The following TMEM131L variants were observed in gnomAD, a reference collection of about 807,000 sequenced individuals.
TMEM131L encodes the protein transmembrane 131 like.
TMEM131L carries 54 observed loss-of-function variants against 192.2 expected under a neutral mutation model. That is an observed-to-expected ratio of 0.28 (90% CI 0.23 to 0.35). The LOEUF is 0.35. Ranked by LOEUF, TMEM131L falls within the 10% of genes least tolerant of loss-of-function variation. The probability of loss-of-function intolerance (pLI) is 1.00; values close to 1 mark genes in which losing one functional copy is unlikely to be tolerated. For synonymous variants in TMEM131L, 701 were observed against 704.9 expected (o/e 0.99, Z 0.09); for missense variants, 1,888 against 1,972.9 (o/e 0.96, Z 0.82).
rs201245535 is a variant in TMEM131L, at chr4:153,469,314, GACACAC to G, written c.195+2054_195+2059del. ...TATACCTGGGCCCAAGGGTAAGGGAGACACACACACACACACACACACACACGTGTG... is the reference window on the plus strand; with the variant it reads ...TATACCTGGGCCCAAGGGTAAGGGAGACACACACACACACACACACGTGTG... On this transcript the variant is annotated intron_variant, in intron 2 of 34. Coordinates refer to ENST00000409959, the MANE Select transcript of TMEM131L (RefSeq NM_001131007.2). Among the ~76,000 whole-genome samples the G allele has an allele frequency of 4.4e-3, 648 of 148,926 alleles. 3 individuals carry two copies. Among genetic ancestry groups the G allele is most frequent in the Non-Finnish European group, 7.4e-3 (497 of 67,188 alleles).
Position 153,636,668 on chromosome 4 carries a change from G to T in TMEM131L, c.*92G>T. 5 of 1,273,404 alleles carry T rather than the reference G, an allele frequency of 3.9e-6. No homozygotes were observed. The highest frequency in any genetic ancestry group is 5.4e-6 in the Non-Finnish European group (5 of 925,388). 78.9% of individuals were successfully genotyped at this position (1,273,404 alleles called of 1,614,324 possible). Reference sequence around the variant, plus strand: ...TATTGAGATAGATTATGACATTGGTGGATATTTTGGCACTTTTATATGAAA... The same window carrying T: ...TATTGAGATAGATTATGACATTGGTTGATATTTTGGCACTTTTATATGAAA... On this transcript the variant is annotated 3_prime_UTR_variant, in exon 35 of 35. Transcript: ENST00000409959.
rs1734602298 is a variant in TMEM131L at position 153,636,647 on chromosome 4, G to A, written c.*71G>A. On this transcript the variant is annotated 3_prime_UTR_variant, in exon 35 of 35. Coordinates refer to ENST00000409959, the MANE Select transcript of TMEM131L (RefSeq NM_001131007.2). ...TGATTACTAGTGTAAACTGGTTATT[G>A]AGATAGATTATGACATTGGTGGATA... The A allele has an allele frequency of 4.8e-6, 7 of 1,451,744 alleles. No individual in the cohort carries two copies. The highest frequency in any genetic ancestry group is 6.6e-6 in the Non-Finnish European group (7 of 1,062,738). 89.9% of individuals were successfully genotyped at this position (1,451,744 alleles called of 1,614,324 possible). A position where few individuals can be genotyped will look rare whatever the true frequency, so the allele number is the denominator to read the frequency against.
At chr4:153,624,951 C>T (rs17030258) in intron 29 of TMEM131L, among the ~76,000 whole-genome samples, 4,204 of 152,330 alleles carry the variant, frequency 0.028, 146 homozygotes, top group Middle Eastern at 0.075. Context: ...CGATTCCACT[C>T]AGCAGTTCTC....
At chr4:153,600,467 G>A (rs1249068540) in intron 21 of TMEM131L, among the ~76,000 whole-genome samples, 2 of 152,086 alleles carry the variant, frequency 1.3e-5, no homozygotes, top group Non-Finnish European at 2.9e-5. Flanking sequence ...AATGGCTACT[G>A]TAACAGACAG....
chr4:153,603,277 C>A (rs372668943), intron 23 of TMEM131L, 26 bp from the exon 24 acceptor site: 7 of 1,607,702 alleles, frequency 4.4e-6, no homozygotes, highest in Non-Finnish European at 5.1e-6. Context: ...CCATGCAATA[C>A]TGAACCTTGT....
Position 153,611,904 on chromosome 4 carries a change from G to C in TMEM131L, c.3419-348G>C, listed in dbSNP as rs145584861. Among the ~76,000 whole-genome samples, 4 of 152,232 alleles carry C rather than the reference G, an allele frequency of 2.6e-5. No homozygotes were observed. In the East Asian group the frequency reaches 7.7e-4, roughly 29 times the overall value. On this transcript the variant is annotated intron_variant, in intron 25 of 34. Coordinates refer to ENST00000409959, the MANE Select transcript of TMEM131L (RefSeq NM_001131007.2). ...GTTGTGCAATGAGTCATGCTGAATG[G>C]TATTCTGTTGTATGTATATACCATA...
intron 25 of TMEM131L, among the ~76,000 whole-genome samples, chr4:153,605,513 A>G (rs572274350): frequency 1.3e-5 from 2 of 152,332 alleles, no homozygotes; most frequent in East Asian, 1.9e-4. Flanking sequence ...GACTACGGGC[A>G]CATGCCATCA....
chr4:153,501,943 G>GT (rs575832226), intron 3 of TMEM131L, among the ~76,000 whole-genome samples: 11,054 of 117,378 alleles, frequency 0.094, 602 homozygotes, highest in Non-Finnish European at 0.13. Context: ...CCCCCAAAGG[G>GT]TTTTTTTTTT....
chr4:153,608,705 C>T (rs971605284), intron 25 of TMEM131L, among the ~76,000 whole-genome samples: 2 of 152,200 alleles, frequency 1.3e-5, no homozygotes, highest in Non-Finnish European at 2.9e-5. Context: ...CTTACAGATA[C>T]TATTAACTTG....
In TMEM131L at chr4:153,590,994, A is replaced by G. The variant is rs1225702259; in HGVS notation, c.1671-59A>G. On this transcript the variant is annotated intron_variant, in intron 16 of 34. Coordinates refer to ENST00000409959, the MANE Select transcript of TMEM131L (RefSeq NM_001131007.2). ...TTTCCCTAAATAACAAAATTATTAA[A>G]TATTAAATTTTTAAATATCAAAATA... is the stretch of plus-strand genomic sequence containing the variant. The G allele has an allele frequency of 4.2e-6, 5 of 1,177,724 alleles. No homozygotes were observed. The East Asian group carries it at 1.5e-4, about 35-fold the overall frequency. 73.0% of individuals were successfully genotyped at this position (1,177,724 alleles called of 1,614,324 possible). A position where few individuals can be genotyped will look rare whatever the true frequency, so the allele number is the denominator to read the frequency against.
chr4:153,548,621 T>C (rs562803236), intron 3 of TMEM131L, among the ~76,000 whole-genome samples: 1 of 152,080 alleles, frequency 6.6e-6, no homozygotes, highest in Non-Finnish European at 1.5e-5. Flanking sequence ...TTATTATTAA[T>C]ACAGCTGGTG....
intron 4 of TMEM131L, among the ~76,000 whole-genome samples, chr4:153,550,808 T>C (rs1300807853): frequency 1.3e-5 from 2 of 152,224 alleles, no homozygotes; most frequent in Admixed American, 1.3e-4. Flanking sequence ...CTGTGCCTTC[T>C]GGATTCAAAA....
intron 3 of TMEM131L, among the ~76,000 whole-genome samples, chr4:153,486,283 A>G (rs1019876422): frequency 1.3e-5 from 2 of 152,250 alleles, no homozygotes; most frequent in Non-Finnish European, 1.5e-5. Context: ...ATATTCAGCT[A>G]CATAGCTTTT....
At chr4:153,591,229 T>C (rs780912633) in intron 17 of TMEM131L, 35 bp downstream of exon 17, 1 of 1,546,574 alleles carries the variant, frequency 6.5e-7, no homozygotes, top group Non-Finnish European at 8.7e-7. Flanking sequence ...TCTTTGTCAG[T>C]GACTCCCCAG....
intron 26 of TMEM131L, among the ~76,000 whole-genome samples, chr4:153,613,153 A>T (rs1732751690): frequency 6.6e-6 from 1 of 152,222 alleles, no homozygotes; most frequent in Non-Finnish European, 1.5e-5. Flanking sequence ...TACAAATGAA[A>T]TCATAAGCTG....
chr4:153,502,665 G>A (rs1733700170), intron 3 of TMEM131L, among the ~76,000 whole-genome samples: 1 of 152,192 alleles, frequency 6.6e-6, no homozygotes, highest in Non-Finnish European at 1.5e-5. Flanking sequence ...GAAGAAAATT[G>A]CAAATTATTG....
intron 26 of TMEM131L, among the ~76,000 whole-genome samples, chr4:153,614,175 G>T (rs562605327): frequency 6.6e-6 from 1 of 152,182 alleles, no homozygotes; most frequent in African/African-American, 2.4e-5. Context: ...GTGCAGTTAG[G>T]GAGCCATCCG....
At chr4:153,532,445 T>TAAA (rs111602283) in intron 3 of TMEM131L, among the ~76,000 whole-genome samples, 1 of 148,280 alleles carries the variant, frequency 6.7e-6, no homozygotes, top group Non-Finnish European at 1.5e-5. Context: ...TGCTTTTTTT[T>TAAA]TAAAAAAAAA....
intron 3 of TMEM131L, among the ~76,000 whole-genome samples, chr4:153,541,979 C>T (rs572572803): frequency 6.6e-6 from 1 of 152,360 alleles, no homozygotes; most frequent in South Asian, 2.1e-4. Flanking sequence ...CATGGGCTAG[C>T]ACCCCAGCTG....
Sources: gnomAD v4.1 joint callset for allele counts (sites outside exome capture counted in the v4.1 genomes callset) on GRCh38, gnomAD v4.1.1 for gene constraint, MANE v1.5 for transcripts, NCBI Gene and HGNC (gene_info 2026-07-23, HGNC 2026-07-21) for gene names.